Variants in ROR1 observed in about 807,000 individuals in gnomAD.
ROR1 encodes the protein inactive tyrosine-protein kinase transmembrane receptor ROR1.
In ROR1, 19 loss-of-function variants were observed where a neutral mutation model predicts 78.8. The ratio of observed to expected loss-of-function variants is 0.24; its 90% CI spans 0.17 to 0.35. The LOEUF is 0.35. Ranked by LOEUF, ROR1 falls within the 10% of genes least tolerant of loss-of-function variation. ROR1 has a pLI of 1.00. For missense variants in ROR1, 917 were observed against 1,177.8 expected (o/e 0.78, Z 3.24); for synonymous variants, 386 against 433.6 (o/e 0.89, Z 1.36).
intron 1 of ROR1, among the ~76,000 whole-genome samples, chr1:63,797,875 A>G (rs766754546): frequency 2.2e-5 from 3 of 134,308 alleles, no homozygotes; most frequent in African/African-American, 5.8e-5. Context: ...TTTTTTTTCC[A>G]TGTTCTCTAT....
At chr1:63,847,205 G>A (rs917776771) in intron 1 of ROR1, among the ~76,000 whole-genome samples, 1 of 152,118 alleles carries the variant, frequency 6.6e-6, no homozygotes, top group African/African-American at 2.4e-5. Flanking sequence ...TGGTGTTGTG[G>A]GTTTCTAGAG....
At chr1:63,985,456 CA>C (rs1273337990) in intron 1 of ROR1, among the ~76,000 whole-genome samples, 1 of 152,096 alleles carries the variant, frequency 6.6e-6, no homozygotes, top group Non-Finnish European at 1.5e-5. Flanking sequence ...CATCCCTAAT[CA>C]AAAAATTCTA....
intron 1 of ROR1, among the ~76,000 whole-genome samples, chr1:63,848,724 C>T (rs764553383): frequency 1.2e-4 from 19 of 152,096 alleles, no homozygotes; most frequent in Non-Finnish European, 1.9e-4. Flanking sequence ...ATGGCAAAAA[C>T]GTCTGGTAGT....
At chr1:63,981,483 G>T (rs1646209591) in intron 1 of ROR1, among the ~76,000 whole-genome samples, 1 of 152,140 alleles carries the variant, frequency 6.6e-6, no homozygotes, top group Admixed American at 6.5e-5. Context: ...TGATGAGGTT[G>T]TTCTCTCTTC....
chr1:64,080,523 T>G lies in ROR1; in HGVS notation c.482+29807T>G, dbSNP rs1313944434. On this transcript the variant is annotated intron_variant, in intron 4 of 8. Coordinates refer to ENST00000371079, the MANE Select transcript of ROR1 (RefSeq NM_005012.4). ...CTGTTGTGTGGTTGAATACTCTGTC[T>G]CTGTGAACTCTACCCCCACCCATCC... is the stretch of plus-strand genomic sequence containing the variant. Among the ~76,000 whole-genome samples the G allele has an allele frequency of 2.6e-5, 4 of 152,242 alleles. No individual in the cohort carries two copies. In the East Asian group the frequency reaches 5.8e-4, roughly 22 times the overall value.
chr1:64,064,884 T>C (rs1345433426), intron 4 of ROR1, among the ~76,000 whole-genome samples: 1 of 152,236 alleles, frequency 6.6e-6, no homozygotes, highest in Non-Finnish European at 1.5e-5. Context: ...GAATATTTTT[T>C]CTTTTCTCCT....
chr1:63,912,395 A>G lies in ROR1; in HGVS notation c.92-96910A>G, dbSNP rs191579850. Among the ~76,000 whole-genome samples, 3 of 152,260 alleles carry G rather than the reference A, an allele frequency of 2.0e-5. No individual in the cohort carries two copies. In the East Asian group the frequency reaches 5.8e-4, roughly 29 times the overall value. On this transcript the variant is annotated intron_variant, in intron 1 of 8. Transcript: ENST00000371079. ...GGAAGATAAAGTTTATTATAATGCA[A>G]GGAGAAACCACTCTAAATGCAGCAT...
chr1:63,908,040 G>C (rs971334566), intron 1 of ROR1, among the ~76,000 whole-genome samples: 7 of 152,052 alleles, frequency 4.6e-5, no homozygotes, highest in Non-Finnish European at 7.3e-5. Flanking sequence ...ATAATGCATG[G>C]TTGCTTCCAG....
At chr1:64,081,681 G>A (rs1373711914) in intron 4 of ROR1, among the ~76,000 whole-genome samples, 1 of 151,198 alleles carries the variant, frequency 6.6e-6, no homozygotes, top group Non-Finnish European at 1.5e-5. Flanking sequence ...TGAGATGGGG[G>A]GATTGCTTGA....
chr1:64,065,499 G>A (rs1646949289), intron 4 of ROR1, among the ~76,000 whole-genome samples: 1 of 152,182 alleles, frequency 6.6e-6, no homozygotes, highest in South Asian at 2.1e-4. Context: ...GATAGGTAAT[G>A]CAGGGGTCCC....
chr1:64,032,069 G>A (rs926301707), intron 2 of ROR1, among the ~76,000 whole-genome samples: 6 of 152,094 alleles, frequency 3.9e-5, no homozygotes, highest in African/African-American at 1.2e-4. Context: ...ATGGCCGGGC[G>A]CGGTGGCTCA....
chr1:63,835,025 T>A (rs1356952747), intron 1 of ROR1, among the ~76,000 whole-genome samples: 2 of 152,094 alleles, frequency 1.3e-5, no homozygotes, highest in African/African-American at 4.8e-5. Flanking sequence ...TATTTACCTG[T>A]TGCTGCCTCC....
intron 6 of ROR1, among the ~76,000 whole-genome samples, chr1:64,141,271 G>T (rs146155661): frequency 6.6e-6 from 1 of 152,296 alleles, no homozygotes; most frequent in East Asian, 1.9e-4. Flanking sequence ...ATTGGCTCAC[G>T]TGTGGTTCTG....
chr1:63,924,569 A>C (rs1256669538), intron 1 of ROR1, among the ~76,000 whole-genome samples: 1 of 152,036 alleles, frequency 6.6e-6, no homozygotes, highest in African/African-American at 2.4e-5. Context: ...GCCTCCCGAT[A>C]CTTTCATTCA....
intron 4 of ROR1, among the ~76,000 whole-genome samples, chr1:64,094,039 T>C (rs758204091): frequency 6.6e-6 from 1 of 152,182 alleles, no homozygotes; most frequent in Non-Finnish European, 1.5e-5. Flanking sequence ...AGCTGTTCTT[T>C]CTACTATACC....
At chr1:63,777,895 T>C (rs1245137837) in intron 1 of ROR1, among the ~76,000 whole-genome samples, 1 of 152,230 alleles carries the variant, frequency 6.6e-6, no homozygotes, top group African/African-American at 2.4e-5. Flanking sequence ...GTTGAATGAA[T>C]GGAGAATAAC....
intron 1 of ROR1, among the ~76,000 whole-genome samples, chr1:63,806,598 TG>T (rs1557505866): frequency 2.0e-5 from 3 of 152,224 alleles, no homozygotes; most frequent in Non-Finnish European, 2.9e-5. Flanking sequence ...ATTACAGGCG[TG>T]AGCCACCGCG....
At chr1:64,080,583 T>A (rs1412410264) in intron 4 of ROR1, among the ~76,000 whole-genome samples, 1 of 152,246 alleles carries the variant, frequency 6.6e-6, no homozygotes, top group African/African-American at 2.4e-5. Context: ...AAGGACATTT[T>A]AAACTCCCTT....
intron 1 of ROR1, among the ~76,000 whole-genome samples, chr1:63,781,406 T>C (rs1427827800): frequency 3.3e-5 from 5 of 152,204 alleles, no homozygotes; most frequent in Non-Finnish European, 7.3e-5. Flanking sequence ...GCCAAATTCG[T>C]ACAATGATTA....
Sources: gnomAD v4.1 joint callset for allele counts (sites outside exome capture counted in the v4.1 genomes callset) on GRCh38, gnomAD v4.1.1 for gene constraint, MANE v1.5 for transcripts, NCBI Gene and HGNC (gene_info 2026-07-23, HGNC 2026-07-21) for gene names.